Variants in PLXDC2 observed in about 807,000 individuals in gnomAD.
The protein encoded by PLXDC2 is plexin domain-containing protein 2.
A neutral mutation model predicts 68.9 loss-of-function variants in PLXDC2; 40 were observed. The observed-to-expected ratio is 0.58, with a 90% confidence interval of 0.45 to 0.76. The LOEUF (loss-of-function observed/expected upper bound fraction) is 0.76. Among genes scored for constraint, PLXDC2 ranks in the 30% least tolerant of loss-of-function variants. The pLI, the probability that PLXDC2 is intolerant of heterozygous loss-of-function variation, is 0.00. For synonymous variants in PLXDC2, 243 were observed against 234.2 expected, an observed-to-expected ratio of 1.04 and a Z score of -0.34; for missense variants, 644 against 661.9, an observed-to-expected ratio of 0.97 and a Z score of 0.30.
At chr10:20,011,724 CT>C (rs1342592555) in intron 2 of PLXDC2, among the ~76,000 whole-genome samples, 1 of 152,166 alleles carries the variant, frequency 6.6e-6, no homozygotes, top group Non-Finnish European at 1.5e-5. Context: ...CTAAATAAAT[CT>C]GAGTTGGCAC....
intron 1 of PLXDC2, among the ~76,000 whole-genome samples, chr10:19,898,901 T>C (rs2131365836): frequency 6.6e-6 from 1 of 152,336 alleles, no homozygotes; most frequent in East Asian, 1.9e-4. Flanking sequence ...GAAGCTACTT[T>C]ATAGCCACTG....
intron 1 of PLXDC2, among the ~76,000 whole-genome samples, chr10:19,986,542 AAAAAAC>A (rs1359282237): frequency 2.4e-5 from 3 of 124,814 alleles, no homozygotes; most frequent in South Asian, 2.9e-4. Flanking sequence ...TGGCTTAAAA[AAAAAAC>A]AAAGAAAAAG....
At chr10:20,115,621 A>G (rs1005038709) in intron 4 of PLXDC2, among the ~76,000 whole-genome samples, 3 of 152,216 alleles carry the variant, frequency 2.0e-5, no homozygotes, top group Admixed American at 2.0e-4. Flanking sequence ...GCAATGTAAG[A>G]AATGCACAGT....
intron 4 of PLXDC2, among the ~76,000 whole-genome samples, chr10:20,131,964 C>A (rs7898654): frequency 9.2e-5 from 14 of 151,404 alleles, no homozygotes; most frequent in Non-Finnish European, 1.9e-4. Flanking sequence ...TTTCTTTTTT[C>A]TTCATGTAGG....
intron 9 of PLXDC2, among the ~76,000 whole-genome samples, chr10:20,198,067 T>C (rs1003916581): frequency 3.9e-5 from 6 of 152,180 alleles, no homozygotes; most frequent in African/African-American, 1.4e-4. Context: ...GTAACCTTGA[T>C]TGGAGTTCCA....
intron 4 of PLXDC2, among the ~76,000 whole-genome samples, chr10:20,113,625 T>TA (rs921446332): frequency 6.6e-6 from 1 of 151,854 alleles, no homozygotes; most frequent in African/African-American, 2.4e-5. Context: ...ACTTACTATT[T>TA]AAAAAAAAAT....
chr10:19,888,896 A>T (rs1837897323), intron 1 of PLXDC2, among the ~76,000 whole-genome samples: 1 of 152,208 alleles, frequency 6.6e-6, no homozygotes, highest in Non-Finnish European at 1.5e-5. Flanking sequence ...CAGTTTTGAC[A>T]ATGCCAACCA....
intron 5 of PLXDC2, among the ~76,000 whole-genome samples, chr10:20,144,200 T>C (rs1288543902): frequency 1.3e-5 from 2 of 152,138 alleles, no homozygotes; most frequent in South Asian, 4.1e-4. Context: ...CATTCAAAAA[T>C]GATATTTATT....
chr10:20,248,438 G>A (rs1588542144), intron 13 of PLXDC2, among the ~76,000 whole-genome samples: 1 of 152,162 alleles, frequency 6.6e-6, no homozygotes, highest in Admixed American at 6.5e-5. Flanking sequence ...CAGAAGAGTG[G>A]AATGACTTAT....
rs528516819 is a variant in PLXDC2, at chr10:19,975,295, A to G, written c.113-26480A>G. ...CGGTGAAACCCCGTCTCTACTAAAA[A>G]AAAATACAAAAAATTAGCTGGGCAT... On this transcript the variant is annotated intron_variant, in intron 1 of 13. Transcript: ENST00000377252. Among the ~76,000 whole-genome samples, 340 of 152,094 alleles carry G rather than the reference A, an allele frequency of 2.2e-3. 1 individual carries two copies. Among genetic ancestry groups the G allele is most frequent in the African/African-American group, 7.9e-3 (329 of 41,496 alleles).
intron 4 of PLXDC2, among the ~76,000 whole-genome samples, chr10:20,073,556 T>C (rs778409679): frequency 6.6e-6 from 1 of 152,222 alleles, no homozygotes; most frequent in Non-Finnish European, 1.5e-5. Context: ...TTAAGCATTT[T>C]AATATTCAAA....
intron 3 of PLXDC2, among the ~76,000 whole-genome samples, chr10:20,053,523 A>G (rs1835940474): frequency 6.6e-6 from 1 of 152,104 alleles, no homozygotes; most frequent in African/African-American, 2.4e-5. Context: ...TAAACCTAGA[A>G]ACCAGCCTGG....
At chr10:20,012,717 A>G (rs150080635) in intron 2 of PLXDC2, among the ~76,000 whole-genome samples, 18 of 152,258 alleles carry the variant, frequency 1.2e-4, no homozygotes, top group African/African-American at 4.3e-4. Flanking sequence ...ATGTCACTCT[A>G]TGAACTATTA....
In PLXDC2 at chr10:20,134,680, A is replaced by C. The variant is rs886451307; in HGVS notation, c.542-8615A>C. Among the ~76,000 whole-genome samples, 4 of 152,178 alleles carry C rather than the reference A, an allele frequency of 2.6e-5. No homozygotes were observed. In the East Asian group the frequency reaches 5.8e-4, roughly 22 times the overall value. On this transcript the variant is annotated intron_variant, in intron 4 of 13. Transcript: ENST00000377252. ...CAAGGGTTCACAGGCGCTTACGTGA[A>C]GCCTAGGTCTGTGAAGGCCAAACTA...
At chr10:19,879,597 C>A (rs1435325191) in intron 1 of PLXDC2, among the ~76,000 whole-genome samples, 1 of 152,148 alleles carries the variant, frequency 6.6e-6, no homozygotes, top group Non-Finnish European at 1.5e-5. Context: ...GCATTGCAGA[C>A]TGAGACGGTT....
intron 4 of PLXDC2, among the ~76,000 whole-genome samples, chr10:20,095,731 C>T (rs1395256525): frequency 1.3e-5 from 2 of 151,848 alleles, no homozygotes; most frequent in African/African-American, 2.4e-5. Flanking sequence ...TTTAGGCAGA[C>T]GAGTTGTGAG....
intron 13 of PLXDC2, among the ~76,000 whole-genome samples, chr10:20,262,431 G>A (rs1369296699): frequency 1.3e-5 from 2 of 152,202 alleles, no homozygotes; most frequent in South Asian, 2.1e-4. Flanking sequence ...TGACTTTCTG[G>A]AAAAAGTAGC....
intron 4 of PLXDC2, among the ~76,000 whole-genome samples, chr10:20,128,670 C>G (rs1020116848): frequency 1.3e-5 from 2 of 152,106 alleles, no homozygotes; most frequent in African/African-American, 4.8e-5. Context: ...ACCCTATCCC[C>G]CCACTTCTAG....
At chr10:20,264,146 A>T (rs1200232802) in intron 13 of PLXDC2, among the ~76,000 whole-genome samples, 2 of 152,214 alleles carry the variant, frequency 1.3e-5, no homozygotes, top group Non-Finnish European at 2.9e-5. Context: ...AAAAAAGAAC[A>T]AGATCATGTC....
Sources: allele counts gnomAD v4.1 joint callset (sites outside exome capture counted in the v4.1 genomes callset), GRCh38; gene constraint gnomAD v4.1.1; transcripts MANE v1.5; gene names NCBI Gene and HGNC (gene_info 2026-07-23, HGNC 2026-07-21).